SLC22A3: variants seen among roughly 807,000 people sequenced by gnomAD.
SLC22A3 encodes the protein EMT organic cation transporter 3.
SLC22A3 carries 51 observed loss-of-function variants against 59.1 expected under a neutral mutation model. The observed-to-expected ratio is 0.86, with a 90% CI of 0.69 to 1.09. The LOEUF (loss-of-function observed/expected upper bound fraction) is 1.09, where lower values mean the gene tolerates loss of function less well. SLC22A3 is among the 50% of genes least tolerant of loss of function. The probability of loss-of-function intolerance (pLI) is 0.00; values close to 1 mark genes in which losing one functional copy is unlikely to be tolerated. For missense variants in SLC22A3, 711 were observed against 726.3 expected (o/e 0.98, Z 0.24); for synonymous variants, 325 against 292.0 (o/e 1.11, Z -1.15).
chr6:160,401,846 T>TA (rs1432583455), intron 2 of SLC22A3, among the ~76,000 whole-genome samples: 2 of 151,706 alleles, frequency 1.3e-5, no homozygotes, highest in Admixed American at 1.3e-4. Context: ...AAGCAACTAC[T>TA]AAAAAAAGAT....
chr6:160,391,185 G>A (rs1786240473), intron 1 of SLC22A3, among the ~76,000 whole-genome samples: 1 of 152,168 alleles, frequency 6.6e-6, no homozygotes, highest in Non-Finnish European at 1.5e-5. Flanking sequence ...AAAATGTAGG[G>A]TGTTGAGGGA....
intron 1 of SLC22A3, among the ~76,000 whole-genome samples, chr6:160,375,371 T>C (rs559242459): frequency 6.6e-5 from 10 of 152,328 alleles, no homozygotes; most frequent in South Asian, 2.1e-4. Context: ...GAACCTTCTC[T>C]TCTTTGCAAA....
At chr6:160,438,134 G>T (rs916918688) in intron 7 of SLC22A3, among the ~76,000 whole-genome samples, 1 of 152,188 alleles carries the variant, frequency 6.6e-6, no homozygotes, top group Non-Finnish European at 1.5e-5. Context: ...TTTCAGAGAT[G>T]TTGCAGAGTT....
chr6:160,432,306 GGA>G (rs917447369), intron 5 of SLC22A3, among the ~76,000 whole-genome samples: 6 of 152,094 alleles, frequency 3.9e-5, no homozygotes, highest in African/African-American at 1.4e-4. Context: ...TGATGGTGCG[GGA>G]GAGTGTAGTG....
intron 5 of SLC22A3, among the ~76,000 whole-genome samples, chr6:160,421,165 T>C (rs1459050342): frequency 6.6e-6 from 1 of 152,196 alleles, no homozygotes; most frequent in Non-Finnish European, 1.5e-5. Flanking sequence ...AGACGGCTGC[T>C]GCCAACCCAT....
intron 7 of SLC22A3, among the ~76,000 whole-genome samples, chr6:160,439,287 A>G (rs1788459152): frequency 6.6e-6 from 1 of 152,154 alleles, no homozygotes; most frequent in Non-Finnish European, 1.5e-5. Context: ...TATAACATAC[A>G]ACTGTAGCTC....
At chr6:160,399,889 C>T (rs754464994) in intron 2 of SLC22A3, among the ~76,000 whole-genome samples, 5 of 151,998 alleles carry the variant, frequency 3.3e-5, no homozygotes, top group African/African-American at 4.8e-5. Flanking sequence ...AGCATCACCC[C>T]GCACCCCCAA....
rs566269866 is a variant in SLC22A3 at position 160,450,390 on chromosome 6, A to G, written c.1611-606A>G. Among the ~76,000 whole-genome samples, 535 of 152,346 alleles carry G rather than the reference A, an allele frequency of 3.5e-3. 2 individuals are homozygous for G. The Middle Eastern group carries it at 0.037, about 11-fold the overall frequency. Reference sequence around the variant, plus strand: ...ATTCTGCCCGATCCCACAAGCAGTCAGACCTTATGGTTGTCTTCTCTTGTT... The same window carrying G: ...ATTCTGCCCGATCCCACAAGCAGTCGGACCTTATGGTTGTCTTCTCTTGTT... On this transcript the variant is annotated intron_variant, in intron 10 of 10. Transcript: ENST00000275300.
At chr6:160,450,787 C>T (rs1419966261) in intron 10 of SLC22A3, among the ~76,000 whole-genome samples, 1 of 143,486 alleles carries the variant, frequency 7.0e-6, no homozygotes, top group Non-Finnish European at 1.5e-5. Context: ...GCTGGTCCCT[C>T]CATTCAGGGT....
At chr6:160,436,383 C>G (rs555658081) in intron 5 of SLC22A3, among the ~76,000 whole-genome samples, 33 of 152,252 alleles carry the variant, frequency 2.2e-4, no homozygotes, top group African/African-American at 7.5e-4. Context: ...TACTCTTAAA[C>G]TTAACATTAC....
intron 10 of SLC22A3, among the ~76,000 whole-genome samples, chr6:160,449,491 T>C (rs1788870810): frequency 6.6e-6 from 1 of 152,228 alleles, no homozygotes. Context: ...ACATTAATTG[T>C]GATCCATGGT....
At chr6:160,392,720 C>T (rs1359026920) in intron 1 of SLC22A3, among the ~76,000 whole-genome samples, 3 of 152,080 alleles carry the variant, frequency 2.0e-5, no homozygotes, top group Non-Finnish European at 4.4e-5. Context: ...CTCATGGAAA[C>T]CCAAACCAAA....
chr6:160,385,761 G>T (rs1433857978), intron 1 of SLC22A3, among the ~76,000 whole-genome samples: 1 of 152,208 alleles, frequency 6.6e-6, no homozygotes, highest in East Asian at 1.9e-4. Flanking sequence ...AGGCTCTCTT[G>T]CCTGGGACAG....
In SLC22A3 at chr6:160,407,048, A is replaced by G; in HGVS notation, c.541A>G (p.Arg181Gly). 1 of 1,613,256 alleles carries G rather than the reference A, an allele frequency of 6.2e-7. No individual in the cohort carries two copies. Among genetic ancestry groups the G allele is most frequent in the Non-Finnish European group, 8.5e-7 (1 of 1,179,530 alleles). Reference sequence around the variant, plus strand: ...CCTGTCTTTCTCAAAAAGGTATGGCAGGATCGTCATTTACTTGCTATCCTG... The same window carrying G: ...CCTGTCTTTCTCAAAAAGGTATGGCGGGATCGTCATTTACTTGCTATCCTG... ...TLGYAADRYG[R>G]IVIYLLSCLG... The change falls in exon 3 of 11, where the codon AGG becomes GGG. Residue 181 changes from arginine (R) to glycine (G), a missense_variant. Transcript: ENST00000275300.
At chr6:160,449,859 C>T (rs1266315739) in intron 10 of SLC22A3, among the ~76,000 whole-genome samples, 1 of 151,984 alleles carries the variant, frequency 6.6e-6, no homozygotes, top group Non-Finnish European at 1.5e-5. Context: ...TTAAAGCCAG[C>T]AAGTTTTTAT....
intron 5 of SLC22A3, among the ~76,000 whole-genome samples, chr6:160,420,573 A>G (rs1787687675): frequency 6.6e-6 from 1 of 152,206 alleles, no homozygotes; most frequent in South Asian, 2.1e-4. Context: ...GAGTGTATTT[A>G]CAGAACCTAG....
chr6:160,413,243 C>T (rs1025499368), intron 5 of SLC22A3, among the ~76,000 whole-genome samples: 6 of 152,096 alleles, frequency 3.9e-5, no homozygotes, highest in Admixed American at 3.9e-4. Flanking sequence ...TCCCACAGAC[C>T]CACTGACCCA....
intron 2 of SLC22A3, among the ~76,000 whole-genome samples, chr6:160,406,726 C>T (rs867903747): frequency 2.0e-5 from 3 of 152,170 alleles, no homozygotes; most frequent in Non-Finnish European, 4.4e-5. Flanking sequence ...CCTCTCTGTC[C>T]TTATGACTTG....
chr6:160,416,452 TTTAAGGC>T (rs141506131), intron 5 of SLC22A3, among the ~76,000 whole-genome samples: 2,572 of 151,130 alleles, frequency 0.017, 37 homozygotes, highest in Non-Finnish European at 0.026. Context: ...TACGATAACT[TTTAAGGC>T]TTACTTAAAA....
Sources: allele counts gnomAD v4.1 joint callset (sites outside exome capture counted in the v4.1 genomes callset), GRCh38; gene constraint gnomAD v4.1.1; transcripts MANE v1.5; gene names NCBI Gene and HGNC (gene_info 2026-07-23, HGNC 2026-07-21).